The following HIPK3 variants were observed in gnomAD, a reference collection of about 807,000 sequenced individuals.
The protein encoded by HIPK3 is homeodomain interacting protein kinase 3, also known as homeodomain-interacting protein kinase 3.
In HIPK3, 47 loss-of-function variants were observed where a neutral mutation model predicts 124.2. The ratio of observed to expected loss-of-function variants is 0.38; its 90% CI spans 0.30 to 0.48. The LOEUF (loss-of-function observed/expected upper bound fraction) is 0.48. Ranked by LOEUF, HIPK3 falls within the 20% of genes least tolerant of loss-of-function variation. The pLI is 0.98. For synonymous variants in HIPK3, 482 were observed against 515.2 expected (o/e 0.94, Z 0.87); for missense variants, 1,286 against 1,454.3 (o/e 0.88, Z 1.88).
At chr11:33,346,788 A>G (rs778020089) in intron 8 of HIPK3, among the ~76,000 whole-genome samples, 13 of 152,212 alleles carry the variant, frequency 8.5e-5, no homozygotes, top group Non-Finnish European at 1.5e-4. Context: ...GCTTTATGAT[A>G]ATTTTTGGAA....
chr11:33,279,372 A>G (rs1208767476), intron 1 of HIPK3, among the ~76,000 whole-genome samples: 1 of 151,338 alleles, frequency 6.6e-6, no homozygotes, highest in Non-Finnish European at 1.5e-5. Context: ...ACCCTATTAC[A>G]TATGTAGTGT....
At chr11:33,331,321 C>A (rs1394691041) in intron 3 of HIPK3, among the ~76,000 whole-genome samples, 2 of 152,208 alleles carry the variant, frequency 1.3e-5, no homozygotes, top group Non-Finnish European at 2.9e-5. Context: ...TCTCTATTAT[C>A]TGTTCCTTAT....
chr11:33,351,946 G>GAC, intron 15 of HIPK3, 103 bp downstream of exon 15: 1 of 1,087,242 alleles, frequency 9.2e-7, no homozygotes, highest in East Asian at 2.6e-5. Flanking sequence ...ATTTTGACTT[G>GAC]ACCCTGCCTT....
At chr11:33,268,048 T>C (rs1284894823) in intron 1 of HIPK3, among the ~76,000 whole-genome samples, 2 of 151,452 alleles carry the variant, frequency 1.3e-5, no homozygotes, top group East Asian at 3.9e-4. Flanking sequence ...CCATCTCTAC[T>C]AAAAATACAA....
rs1210337064 is a variant in HIPK3, at chr11:33,356,462, T to G, written c.*2894T>G. The G allele has an allele frequency of 6.6e-6, 1 of 152,094 alleles. No homozygotes were observed. Among genetic ancestry groups the G allele is most frequent in the East Asian group, 1.9e-4 (1 of 5,206 alleles). 9.4% of individuals were successfully genotyped at this position (152,094 alleles called of 1,614,324 possible). A position where few individuals can be genotyped will look rare whatever the true frequency, so the allele number is the denominator to read the frequency against. On this transcript the variant is annotated 3_prime_UTR_variant, in exon 17 of 17. Coordinates refer to ENST00000303296, the MANE Select transcript of HIPK3 (RefSeq NM_005734.5). ...CCAAGTTGCATATTTGCATACTATT[T>G]TAATTTGCAAAATGTTTTTTAAATC... is the stretch of plus-strand genomic sequence containing the variant.
At position 33,289,815 on chromosome 11, in the gene HIPK3, A is replaced by G. The variant is rs999136340; in HGVS notation, c.1097+2304A>G. Among the ~76,000 whole-genome samples, 4 of 152,120 alleles carry G rather than the reference A, an allele frequency of 2.6e-5. No individual in the cohort carries two copies. The South Asian group carries it at 8.3e-4, about 32-fold the overall frequency. On this transcript the variant is annotated intron_variant, in intron 2 of 16. Transcript: ENST00000303296. ...TCATCTCTACTCCCTACCCCCATCT[A>G]CTACCCTTCCTAGACTCTGGTAACC...
intron 1 of HIPK3, chr11:33,258,276 G>C (rs1443474928): frequency 1.0e-6 from 1 of 984,696 alleles, no homozygotes; most frequent in Non-Finnish European, 1.2e-6. Context: ...GTCCCACGGG[G>C]AGCCTCTCTT....
chr11:33,296,937 G>A (rs867249317), intron 2 of HIPK3, among the ~76,000 whole-genome samples: 1 of 152,210 alleles, frequency 6.6e-6, no homozygotes, highest in Non-Finnish European at 1.5e-5. Context: ...AGGAAGGCGT[G>A]TGGAAAGCCA....
chr11:33,349,607 C>G (rs1326681299), intron 14 of HIPK3, among the ~76,000 whole-genome samples: 2 of 152,168 alleles, frequency 1.3e-5, no homozygotes, highest in African/African-American at 4.8e-5. Context: ...CACAGCGATG[C>G]TCGGCTAATT....
chr11:33,340,920 C>G, intron 6 of HIPK3, 48 bp from the exon 7 acceptor site: 2 of 1,176,222 alleles, frequency 1.7e-6, no homozygotes, highest in Non-Finnish European at 2.3e-6. Flanking sequence ...CAATTTAAAA[C>G]TAAGCTTTTA....
intron 1 of HIPK3, among the ~76,000 whole-genome samples, chr11:33,259,882 A>G (rs1418260343): frequency 2.7e-5 from 4 of 149,268 alleles, no homozygotes; most frequent in Non-Finnish European, 4.4e-5. Flanking sequence ...AAAAAGTAAG[A>G]TGAGTTTGAA....
chr11:33,336,257 T>A (rs1349383651), intron 3 of HIPK3, among the ~76,000 whole-genome samples: 1 of 152,014 alleles, frequency 6.6e-6, no homozygotes, highest in Non-Finnish European at 1.5e-5. Flanking sequence ...CAAACAGAAA[T>A]ATTAAGTTCA....
At chr11:33,306,417 CAG>C (rs1391827609) in intron 2 of HIPK3, among the ~76,000 whole-genome samples, 2 of 151,854 alleles carry the variant, frequency 1.3e-5, no homozygotes, top group Non-Finnish European at 2.9e-5. Flanking sequence ...TCTAATATGA[CAG>C]AAATATGTGT....
chr11:33,298,502 T>C (rs1047454621), intron 2 of HIPK3, among the ~76,000 whole-genome samples: 1 of 152,204 alleles, frequency 6.6e-6, no homozygotes, highest in Non-Finnish European at 1.5e-5. Flanking sequence ...TTAAGAAATA[T>C]GTTTGGTAAG....
At chr11:33,352,296 G>A in intron 16 of HIPK3, 31 bp downstream of exon 16, 1 of 1,605,920 alleles carries the variant, frequency 6.2e-7, no homozygotes, top group South Asian at 1.1e-5. Context: ...GTAGGAGTCT[G>A]TGGGATTCAA....
chr11:33,338,859 A>G lies in HIPK3; in HGVS notation c.1428+16A>G. ...TGTAGCGCATGTGAGTACCATAGCC[A>G]CATTTGTTCATCTTACATGCTTAGA... On this transcript the variant is annotated intron_variant, in intron 5 of 16. Coordinates refer to ENST00000303296, the MANE Select transcript of HIPK3 (RefSeq NM_005734.5). 1 of 1,569,268 alleles carries G rather than the reference A, an allele frequency of 6.4e-7. No individual in the cohort carries two copies.
chr11:33,306,473 TA>T (rs771269831), intron 2 of HIPK3, among the ~76,000 whole-genome samples: 13 of 151,872 alleles, frequency 8.6e-5, no homozygotes, highest in East Asian at 1.9e-4. Flanking sequence ...TGCTTTTTTT[TA>T]AAAAAAATTA....
At chr11:33,338,901 CAAGGG>C in intron 5 of HIPK3, 58 bp downstream of exon 5, 3 of 1,185,850 alleles carry the variant, frequency 2.5e-6, no homozygotes, top group Non-Finnish European at 3.7e-6. Context: ...ACTTGAATGC[CAAGGG>C]GCCCAAAACA....
chr11:33,311,223 A>G (rs1279746930), intron 2 of HIPK3, among the ~76,000 whole-genome samples: 3 of 152,046 alleles, frequency 2.0e-5, no homozygotes, highest in Admixed American at 6.5e-5. Flanking sequence ...GTCTTGCTTT[A>G]TGGCCAGGCT....
Sources: allele counts gnomAD v4.1 joint callset (sites outside exome capture counted in the v4.1 genomes callset), GRCh38; gene constraint gnomAD v4.1.1; transcripts MANE v1.5; gene names NCBI Gene and HGNC (gene_info 2026-07-23, HGNC 2026-07-21).